ADARB2: variants seen among roughly 807,000 people sequenced by gnomAD.
ADARB2 encodes the protein adenosine deaminase RNA specific B2 (inactive), also known as inactive double-stranded RNA-specific editase B2.
Under a neutral mutation model 62.2 loss-of-function variants are expected in ADARB2, and 25 were observed. The observed-to-expected ratio is 0.40, with a 90% CI of 0.29 to 0.56. The LOEUF is 0.56. Ranked by LOEUF, ADARB2 falls within the 20% of genes least tolerant of loss-of-function variation. The probability of loss-of-function intolerance (pLI) is 0.43; values close to 1 mark genes in which losing one functional copy is unlikely to be tolerated. For synonymous variants in ADARB2, 572 were observed against 500.8 expected (o/e 1.14, Z -1.90); for missense variants, 1,071 against 1,077.4 (o/e 0.99, Z 0.08).
At chr10:1,600,121 C>G in intron 1 of ADARB2, among the ~76,000 whole-genome samples, 1 of 152,138 alleles carries the variant, frequency 6.6e-6, no homozygotes. Context: ...ATGCCAGGTT[C>G]ACCTGAGGGT....
chr10:1,206,695 C>T (rs1035112988), intron 7 of ADARB2, among the ~76,000 whole-genome samples: 6 of 152,332 alleles, frequency 3.9e-5, no homozygotes, highest in East Asian at 1.9e-4. Context: ...CTCAGCCCTG[C>T]GCCTCCGTCT....
rs3122282 is a variant in ADARB2, at chr10:1,560,586, T to C, written c.100+176465A>G. ...CACACACGCGTGAACACACGGGGGG[T>C]GGGTTGGATTGGAGAGTTCTCCAGC... On this transcript the variant is annotated intron_variant, in intron 1 of 9. Coordinates refer to ENST00000381312, the MANE Select transcript of ADARB2 (RefSeq NM_018702.4). Among the ~76,000 whole-genome samples, 102 of 12,202 alleles carry C rather than the reference T, an allele frequency of 8.4e-3. 6 individuals are homozygous for C. Among genetic ancestry groups the C allele is most frequent in the African/African-American group, 0.013 (97 of 7,508 alleles). The allele number at this position is 12,202 out of a possible 152,430, so 8.0% of individuals were successfully genotyped here.
intron 1 of ADARB2, among the ~76,000 whole-genome samples, chr10:1,666,431 C>T (rs890708837): frequency 2.6e-5 from 4 of 152,236 alleles, no homozygotes; most frequent in African/African-American, 7.2e-5. Context: ...CATGACCAGA[C>T]GCGGCTTTGC....
intron 1 of ADARB2, among the ~76,000 whole-genome samples, chr10:1,588,479 G>C (rs1726707916): frequency 6.6e-6 from 1 of 152,216 alleles, no homozygotes; most frequent in Admixed American, 6.5e-5. Context: ...CCCCTTGGTA[G>C]ACAGAGCTAG....
At chr10:1,631,005 G>T (rs1277929969) in intron 1 of ADARB2, among the ~76,000 whole-genome samples, 1 of 151,334 alleles carries the variant, frequency 6.6e-6, no homozygotes, top group African/African-American at 2.4e-5. Flanking sequence ...ATAAATGAAA[G>T]AAAGAAAAAA....
rs371164105 is a variant in ADARB2, at chr10:1,610,799, T to C, written c.100+126252A>G. Among the ~76,000 whole-genome samples, 3 of 148,880 alleles carry C rather than the reference T, an allele frequency of 2.0e-5. No individual in the cohort carries two copies. The East Asian group carries it at 5.8e-4, about 29-fold the overall frequency. On this transcript the variant is annotated intron_variant, in intron 1 of 9. Transcript: ENST00000381312. ...ACAGACACACATGTGCACAGGCACA[T>C]GCACACATACAGACACATACAGACA...
chr10:1,413,906 G>C (rs946943908), intron 1 of ADARB2, among the ~76,000 whole-genome samples: 1 of 152,234 alleles, frequency 6.6e-6, no homozygotes, highest in Non-Finnish European at 1.5e-5. Flanking sequence ...CAGTTAAGCA[G>C]GTAAAGAAAT....
rs537604758 is a variant in ADARB2 at position 1,512,482 on chromosome 10, G to A, written c.101-133322C>T. Among the ~76,000 whole-genome samples the A allele has an allele frequency of 5.9e-5, 9 of 152,326 alleles. 1 individual carries two copies. In the East Asian group the frequency reaches 1.5e-3, roughly 26 times the overall value. On this transcript the variant is annotated intron_variant, in intron 1 of 9. Coordinates refer to ENST00000381312, the MANE Select transcript of ADARB2 (RefSeq NM_018702.4). ...ATACCAAGATGGGTGTTTCACGTTG[G>A]CCATCTAATCCTCAAAGCAACAGAA...
intron 1 of ADARB2, among the ~76,000 whole-genome samples, chr10:1,671,086 G>A (rs1834378146): frequency 6.6e-6 from 1 of 152,158 alleles, no homozygotes; most frequent in African/African-American, 2.4e-5. Context: ...TCTCCGTGCC[G>A]CGCATGCACA....
chr10:1,536,610 A>C (rs1832336382), intron 1 of ADARB2, among the ~76,000 whole-genome samples: 1 of 152,196 alleles, frequency 6.6e-6, no homozygotes, highest in African/African-American at 2.4e-5. Context: ...AATCTAGCTT[A>C]TATGTTTATT....
chr10:1,734,800 T>G (rs2119052403), intron 1 of ADARB2, among the ~76,000 whole-genome samples: 1 of 152,300 alleles, frequency 6.6e-6, no homozygotes, highest in East Asian at 1.9e-4. Context: ...AGTTTTAATA[T>G]CAGATAAGCT....
At chr10:1,283,331 A>G (rs1463483345) in intron 3 of ADARB2, among the ~76,000 whole-genome samples, 1 of 152,210 alleles carries the variant, frequency 6.6e-6, no homozygotes. Context: ...CACTTTCTAA[A>G]TGCTTTAGGT....
At chr10:1,276,314 A>G (rs947376115) in intron 3 of ADARB2, among the ~76,000 whole-genome samples, 22 of 152,142 alleles carry the variant, frequency 1.4e-4, no homozygotes, top group African/African-American at 5.3e-4. Flanking sequence ...TCTTTTGAGA[A>G]GTGTCTGTTC....
intron 3 of ADARB2, among the ~76,000 whole-genome samples, chr10:1,328,129 G>T (rs1831893731): frequency 6.6e-6 from 1 of 152,266 alleles, no homozygotes; most frequent in South Asian, 2.1e-4. Context: ...CAGGCGTGGA[G>T]AGGCAGCGCA....
chr10:1,503,645 C>A (rs1250076130), intron 1 of ADARB2, among the ~76,000 whole-genome samples: 2 of 152,054 alleles, frequency 1.3e-5, no homozygotes, highest in Non-Finnish European at 2.9e-5. Flanking sequence ...AAAATGTAAT[C>A]CTCAGTGTTA....
intron 1 of ADARB2, among the ~76,000 whole-genome samples, chr10:1,579,795 C>T (rs1435129692): frequency 6.6e-6 from 1 of 152,222 alleles, no homozygotes; most frequent in Non-Finnish European, 1.5e-5. Flanking sequence ...TCATCCCAAA[C>T]CCTCATCACA....
At chr10:1,526,087 T>A (rs561815171) in intron 1 of ADARB2, among the ~76,000 whole-genome samples, 3 of 152,312 alleles carry the variant, frequency 2.0e-5, no homozygotes, top group African/African-American at 7.2e-5. Context: ...GGACAGGGCA[T>A]GTCCTAGGTA....
Position 1,363,272 on chromosome 10 carries a change from T to G in ADARB2, c.833A>C (p.Asn278Thr). 1 of 1,263,790 alleles carries G rather than the reference T, an allele frequency of 7.9e-7. No homozygotes were observed. The highest frequency in any genetic ancestry group is 2.7e-5 in the South Asian group (1 of 36,404). The allele number at this position is 1,263,790 out of a possible 1,614,324, so 78.3% of individuals were successfully genotyped here. ...CAGGCGGTTCAGCAGCACCACGGGG[T>G]TGCGCTCGCCCGGGGCCGCGGGGGT... ...PATPAAPGERNPVVLLNRLRA... is the reference protein window; with the variant it reads ...PATPAAPGERTPVVLLNRLRA... Residue 278 changes from asparagine to threonine, a missense_variant, in exon 3 of 10, where the codon AAC becomes ACC. Transcript: ENST00000381312.
chr10:1,619,934 T>C (rs185512256), intron 1 of ADARB2, among the ~76,000 whole-genome samples: 25 of 152,028 alleles, frequency 1.6e-4, no homozygotes, highest in Admixed American at 4.6e-4. Flanking sequence ...AATTAAACAA[T>C]ATACTTCTAA....
Sources: allele counts gnomAD v4.1 joint callset (sites outside exome capture counted in the v4.1 genomes callset), GRCh38; gene constraint gnomAD v4.1.1; transcripts MANE v1.5; gene names NCBI Gene and HGNC (gene_info 2026-07-23, HGNC 2026-07-21).